Variants in GRIN2A observed in about 807,000 individuals in gnomAD.
The protein encoded by GRIN2A is glutamate receptor ionotropic, NMDA 2A.
Under a neutral mutation model 113.4 loss-of-function variants are expected in GRIN2A, and 22 were observed. That is an observed-to-expected ratio of 0.19 (90% CI 0.14 to 0.28). The LOEUF (loss-of-function observed/expected upper bound fraction) is 0.28, where lower values mean the gene tolerates loss of function less well. Among genes scored for constraint, GRIN2A ranks in the 10% least tolerant of loss-of-function variants. The probability of loss-of-function intolerance (pLI) is 1.00; values close to 1 mark genes in which losing one functional copy is unlikely to be tolerated. For synonymous variants in GRIN2A, 827 were observed against 738.4 expected (o/e 1.12, Z -1.94); for missense variants, 1,502 against 1,887.0 (o/e 0.80, Z 3.78).
chr16:9,797,110 A>C (rs1162978613), intron 11 of GRIN2A, among the ~76,000 whole-genome samples: 1 of 152,204 alleles, frequency 6.6e-6, no homozygotes, highest in Non-Finnish European at 1.5e-5. Context: ...GCACTAGCTA[A>C]CCTCTGCCTA....
At chr16:9,880,590 AG>A (rs2043459299) in intron 4 of GRIN2A, among the ~76,000 whole-genome samples, 1 of 152,190 alleles carries the variant, frequency 6.6e-6, no homozygotes, top group Non-Finnish European at 1.5e-5. Context: ...ACATACTCCC[AG>A]GGGAGAGGCT....
chr16:9,922,502 C>G (rs902825734), intron 3 of GRIN2A, among the ~76,000 whole-genome samples: 1 of 152,156 alleles, frequency 6.6e-6, no homozygotes, highest in Non-Finnish European at 1.5e-5. Flanking sequence ...CCCATCTGGA[C>G]CCAGTTTTCT....
chr16:9,836,701 C>T (rs2141331886), intron 7 of GRIN2A, among the ~76,000 whole-genome samples: 1 of 152,296 alleles, frequency 6.6e-6, no homozygotes, highest in Non-Finnish European at 1.5e-5. Context: ...TCTAAGATAC[C>T]ACACACGTGA....
Position 10,180,444 on chromosome 16 carries a change from GT to G in GRIN2A, c.-18-16del, listed in dbSNP as rs1567354987. 6.3e-7 allele frequency: 1 copy of G among 1,596,002 alleles called. No homozygotes were observed. Among genetic ancestry groups the G allele is most frequent in the East Asian group, 2.2e-5 (1 of 44,666 alleles). On this transcript the variant is annotated splice_polypyrimidine_tract_variant and intron_variant, in intron 1 of 12. Coordinates refer to ENST00000330684, the MANE Select transcript of GRIN2A (RefSeq NM_001134407.3). The surrounding 1 kb of genome is among the most constrained non-coding windows in gnomAD (Gnocchi z 7.0). Reference sequence around the variant, plus strand: ...ACTGACGGTCCCTGCAAGGTGAAGAGTGAGAGGCAGGGCCGCGGTGAGCAAG... The same window carrying G: ...ACTGACGGTCCCTGCAAGGTGAAGAGGAGAGGCAGGGCCGCGGTGAGCAAG...
chr16:10,097,711 ACTTT>A (rs2142099287), intron 2 of GRIN2A, among the ~76,000 whole-genome samples: 1 of 152,320 alleles, frequency 6.6e-6, no homozygotes, highest in Admixed American at 6.5e-5. Flanking sequence ...ACCCTCCTGC[ACTTT>A]CTTTCTTAAG....
At chr16:9,821,057 T>C (rs2042274035) in intron 10 of GRIN2A, among the ~76,000 whole-genome samples, 1 of 152,068 alleles carries the variant, frequency 6.6e-6, no homozygotes, top group South Asian at 2.1e-4. Flanking sequence ...TTTGATGCTT[T>C]AGAGGGGCCT....
At chr16:9,991,459 T>C (rs747784004) in intron 2 of GRIN2A, among the ~76,000 whole-genome samples, 30 of 152,228 alleles carry the variant, frequency 2.0e-4, no homozygotes, top group Admixed American at 3.3e-4. Flanking sequence ...TATGGATATA[T>C]TGTGTAGTGG....
chr16:9,940,675 G>A (rs1254057534), intron 2 of GRIN2A, among the ~76,000 whole-genome samples: 1 of 152,166 alleles, frequency 6.6e-6, no homozygotes, highest in African/African-American at 2.4e-5. Context: ...ATTGTATTTT[G>A]TGTGGATTCT....
intron 2 of GRIN2A, among the ~76,000 whole-genome samples, chr16:10,102,816 A>C (rs919078438): frequency 3.3e-5 from 5 of 152,198 alleles, no homozygotes; most frequent in African/African-American, 9.6e-5. Context: ...TAGAGCTAGG[A>C]TTCAAACTTA....
intron 3 of GRIN2A, among the ~76,000 whole-genome samples, chr16:9,912,386 C>A (rs921156448): frequency 3.3e-5 from 5 of 151,962 alleles, no homozygotes; most frequent in Non-Finnish European, 7.4e-5. Flanking sequence ...CTTTCCAGAA[C>A]CATGGTTCCA....
At chr16:10,176,252 G>A (rs534365128) in intron 2 of GRIN2A, among the ~76,000 whole-genome samples, 10 of 152,044 alleles carry the variant, frequency 6.6e-5, no homozygotes, top group African/African-American at 2.2e-4. Flanking sequence ...TGATCCACCC[G>A]CCTTGGCCTC....
chr16:10,154,720 G>A (rs2049653496), intron 2 of GRIN2A, among the ~76,000 whole-genome samples: 1 of 152,212 alleles, frequency 6.6e-6, no homozygotes, highest in South Asian at 2.1e-4. Context: ...TCCTGTGGGG[G>A]ACAGCAGTCC....
chr16:9,876,128 G>A (rs2043360797), intron 4 of GRIN2A, among the ~76,000 whole-genome samples: 1 of 152,056 alleles, frequency 6.6e-6, no homozygotes, highest in Non-Finnish European at 1.5e-5. Context: ...TCTAAGCCCA[G>A]GGCATAAAAC....
chr16:10,028,334 G>A (rs1342147561), intron 2 of GRIN2A, among the ~76,000 whole-genome samples: 3 of 151,306 alleles, frequency 2.0e-5, no homozygotes, highest in Non-Finnish European at 4.4e-5. Context: ...TGGTGGTGAT[G>A]GCTACAGGTC....
Position 9,829,540 on chromosome 16 carries a change from C to G in GRIN2A, c.1890G>C (p.Met630Ile), listed in dbSNP as rs962487040. ...CAGCGAAGAAGGCCCATACAGATAC[C>G]ATGATCTTGCTGGTGGTCCCTTTAG... The part of the protein sequence containing the change: ...QNPKGTTSKI[M>I]VSVWAFFAVI... The change falls in exon 9 of 13, where the codon ATG becomes ATC. Residue 630 changes from methionine (M) to isoleucine (I), a missense_variant. Met to Ile is a conservative substitution (Grantham distance 10, BLOSUM62 1). Transcript: ENST00000330684. The G allele has an allele frequency of 1.9e-6, 3 of 1,613,732 alleles. No individual in the cohort carries two copies. The highest frequency in any genetic ancestry group is 8.5e-7 in the Non-Finnish European group (1 of 1,179,792).
chr16:10,089,660 C>A (rs2048148647), intron 2 of GRIN2A, among the ~76,000 whole-genome samples: 1 of 152,126 alleles, frequency 6.6e-6, no homozygotes, highest in African/African-American at 2.4e-5. Flanking sequence ...AAGGTCCTCT[C>A]AATATCTAAC....
chr16:9,806,473 G>T (rs1040752982), intron 10 of GRIN2A, among the ~76,000 whole-genome samples: 3 of 152,156 alleles, frequency 2.0e-5, no homozygotes, highest in Non-Finnish European at 4.4e-5. Context: ...AAAAAAGATG[G>T]ATGGTTAATA....
chr16:9,807,279 A>G (rs1266522030), intron 10 of GRIN2A, among the ~76,000 whole-genome samples: 2 of 10,474 alleles, frequency 1.9e-4, no homozygotes, highest in Admixed American at 8.2e-4. Flanking sequence ...GGGGAGGGGG[A>G]GGGGGAGAGG....
At chr16:9,858,305 C>G (rs1329470135) in intron 4 of GRIN2A, among the ~76,000 whole-genome samples, 1 of 152,118 alleles carries the variant, frequency 6.6e-6, no homozygotes, top group African/African-American at 2.4e-5. Context: ...TATTATGTAT[C>G]AGGCACCATT....
Sources: allele counts gnomAD v4.1 joint callset (sites outside exome capture counted in the v4.1 genomes callset), GRCh38; gene constraint gnomAD v4.1.1; non-coding constraint Gnocchi (gnomAD v3.1); transcripts MANE v1.5; gene names NCBI Gene and HGNC (gene_info 2026-07-23, HGNC 2026-07-21).